MCC: variants seen among roughly 807,000 people sequenced by gnomAD.
MCC encodes colorectal mutant cancer protein.
Under a neutral mutation model 116.2 loss-of-function variants are expected in MCC, and 90 were observed. The ratio of observed to expected loss-of-function variants is 0.77; its 90% CI spans 0.65 to 0.92. MCC has a LOEUF of 0.92. Among genes scored for constraint, MCC ranks in the 40% least tolerant of loss-of-function variants. MCC has a pLI of 0.00. For synonymous variants in MCC, 578 were observed against 510.5 expected (o/e 1.13, Z -1.78); for missense variants, 1,516 against 1,312.2 (o/e 1.16, Z -2.40).
In MCC at chr5:113,104,290, C is replaced by T. The variant is rs372290728; in HGVS notation, c.1093G>A (p.Gly365Ser). 1.6e-5 allele frequency: 26 copies of T among 1,613,884 alleles called. No homozygotes were observed. The highest frequency in any genetic ancestry group is 1.0e-4 in the Admixed American group (6 of 60,000). Residue 365 changes from glycine (G) to serine (S), a missense_variant, in exon 7 of 19, where the codon GGC becomes AGC. Transcript: ENST00000408903. ...AGGCTGCAGCTGCTCTTCTTCCTGC[C>T]GCAGACAACATTCTCCAGCCCTGTC... ...VLTGLENVVCGRKKSSCSLSV... is the reference protein window; with the variant it reads ...VLTGLENVVCSRKKSSCSLSV...
At chr5:113,143,145 T>G in intron 5 of MCC, 73 bp downstream of exon 5, 1 of 1,475,546 alleles carries the variant, frequency 6.8e-7, no homozygotes, top group East Asian at 2.4e-5. Context: ...GTTAAAATAG[T>G]TGGGGCTACT....
At chr5:113,413,028 G>C (rs141066383) in intron 1 of MCC, among the ~76,000 whole-genome samples, 1 of 151,988 alleles carries the variant, frequency 6.6e-6, no homozygotes, top group Non-Finnish European at 1.5e-5. Context: ...ATTGAGATAA[G>C]CATGTGGTTT....
Position 113,043,553 on chromosome 5 carries a change from C to G in MCC, c.2733G>C (p.Ala911=). ...RTTCSENELA[A]EFTNAIRREK... ...ACCGACGAATGGCGTTGGTGAACTCCGCAGCCAGCTCATTCTCGCTGCACG... is the reference window on the plus strand; with the variant it reads ...ACCGACGAATGGCGTTGGTGAACTCGGCAGCCAGCTCATTCTCGCTGCACG... The change falls in exon 17 of 19, where the codon GCG becomes GCC. Residue 911 remains alanine (A), a synonymous_variant. Transcript: ENST00000408903. The G allele has an allele frequency of 6.2e-7, 1 of 1,614,082 alleles. No individual in the cohort carries two copies.
intron 3 of MCC, among the ~76,000 whole-genome samples, chr5:113,254,831 T>C (rs1764946778): frequency 6.6e-6 from 1 of 152,200 alleles, no homozygotes; most frequent in South Asian, 2.1e-4. Context: ...GTTAGTTCCC[T>C]GAGTAAACCT....
At chr5:113,292,156 C>T (rs141451298) in intron 3 of MCC, among the ~76,000 whole-genome samples, 1,718 of 152,164 alleles carry the variant, frequency 0.011, 38 homozygotes, top group African/African-American at 0.039. Flanking sequence ...CGCTTGAACC[C>T]GGGAGGCAGA....
intron 1 of MCC, among the ~76,000 whole-genome samples, chr5:113,410,313 A>G (rs902013203): frequency 8.5e-5 from 13 of 152,234 alleles, no homozygotes; most frequent in African/African-American, 3.1e-4. Context: ...GATACAATGG[A>G]TATCCACAAG....
intron 5 of MCC, among the ~76,000 whole-genome samples, chr5:113,129,747 C>T (rs1041952868): frequency 1.3e-5 from 2 of 152,244 alleles, no homozygotes; most frequent in Non-Finnish European, 2.9e-5. Flanking sequence ...CTCATCATCA[C>T]TGGTCATTAA....
chr5:113,387,041 G>A (rs1162655771), intron 1 of MCC, among the ~76,000 whole-genome samples: 12 of 151,902 alleles, frequency 7.9e-5, no homozygotes, highest in African/African-American at 4.8e-5. Context: ...TTGGCCCCTC[G>A]GATATTACTG....
Position 113,385,179 on chromosome 5 carries a change from A to G in MCC, c.204T>C (p.Asn68=), listed in dbSNP as rs1769224743. 6.2e-7 allele frequency: 1 copy of G among 1,614,032 alleles called. No individual in the cohort carries two copies. Among genetic ancestry groups the G allele is most frequent in the African/African-American group, 1.3e-5 (1 of 74,908 alleles). ...NDLLMVCRQL[N]MEESVAEIMN... Reference sequence around the variant, plus strand: ...TGATCTCAGCCACAGACTCTTCCATATTCAGCTGGCGACAGACCATTAGCA... The same window carrying G: ...TGATCTCAGCCACAGACTCTTCCATGTTCAGCTGGCGACAGACCATTAGCA... The change falls in exon 2 of 19, where the codon AAT becomes AAC. Residue 68 remains asparagine, a synonymous_variant. Transcript: ENST00000408903.
chr5:113,056,986 T>C (rs1374873758), intron 14 of MCC, among the ~76,000 whole-genome samples: 2 of 152,058 alleles, frequency 1.3e-5, no homozygotes, highest in Non-Finnish European at 2.9e-5. Flanking sequence ...TTATTTGTGA[T>C]TGAGCTGCAG....
At chr5:113,135,769 C>T (rs1758781657) in intron 5 of MCC, among the ~76,000 whole-genome samples, 2 of 151,978 alleles carry the variant, frequency 1.3e-5, no homozygotes, top group African/African-American at 4.8e-5. Flanking sequence ...AGAGGCTGGA[C>T]GTGGTGGCTC....
intron 3 of MCC, among the ~76,000 whole-genome samples, chr5:113,273,511 G>C (rs1453318908): frequency 6.6e-6 from 1 of 152,078 alleles, no homozygotes; most frequent in South Asian, 2.1e-4. Context: ...AATCTAATAG[G>C]ACATAAAGTA....
intron 3 of MCC, among the ~76,000 whole-genome samples, chr5:113,242,114 TG>T (rs1395776577): frequency 6.6e-6 from 1 of 152,248 alleles, no homozygotes; most frequent in Non-Finnish European, 1.5e-5. Flanking sequence ...AGGCCATCTT[TG>T]GCAGTAGACC....
At position 113,399,299 on chromosome 5, in the gene MCC, C is replaced by A. The variant is rs553303134; in HGVS notation, c.171-14087G>T. 2.9e-3 allele frequency among the ~76,000 whole-genome samples: 445 copies of A among 152,202 alleles called. 1 individual carries two copies. The highest frequency in any genetic ancestry group is 0.01 in the African/African-American group (423 of 41,538). ...AGGAGATTGAGACCATCCTGGCTAA[C>A]AAGGTGAAACCCTGTCTCTACTAAA... is the stretch of plus-strand genomic sequence containing the variant. On this transcript the variant is annotated intron_variant, in intron 1 of 18. Coordinates refer to ENST00000408903, the MANE Select transcript of MCC (RefSeq NM_001085377.2).
At chr5:113,065,154 T>C (rs1357938198) in intron 13 of MCC, among the ~76,000 whole-genome samples, 1 of 152,138 alleles carries the variant, frequency 6.6e-6, no homozygotes, top group Non-Finnish European at 1.5e-5. Context: ...ACCCATAGAA[T>C]GTACAGCACC....
At chr5:113,046,812 G>A (rs888922994) in intron 16 of MCC, among the ~76,000 whole-genome samples, 4 of 150,840 alleles carry the variant, frequency 2.7e-5, no homozygotes, top group African/African-American at 9.8e-5. Context: ...ATGCCCACCT[G>A]CACAGCCTGA....
chr5:113,026,670 G>T lies in MCC; in HGVS notation c.*632C>A. 1 of 152,346 alleles carries T rather than the reference G, an allele frequency of 6.6e-6. No individual in the cohort carries two copies. Among genetic ancestry groups the T allele is most frequent in the Non-Finnish European group, 1.5e-5 (1 of 68,068 alleles). 9.4% of individuals were successfully genotyped at this position (152,346 alleles called of 1,614,324 possible). ...TCAGGCACAGTCCTGGTGGTGGTCTGTTTGTAACTTTAGTGTATCTGGGAC... is the reference window on the plus strand; with the variant it reads ...TCAGGCACAGTCCTGGTGGTGGTCTTTTTGTAACTTTAGTGTATCTGGGAC... On this transcript the variant is annotated 3_prime_UTR_variant, in exon 19 of 19. Transcript: ENST00000408903.
chr5:113,151,112 G>A (rs1004817145), intron 4 of MCC, among the ~76,000 whole-genome samples, 197 bp downstream of exon 4: 1 of 152,172 alleles, frequency 6.6e-6, no homozygotes, highest in Admixed American at 6.5e-5. Flanking sequence ...GTAGCTTCTG[G>A]AACTGTGAGA....
At chr5:113,469,673 G>C in intron 1 of MCC, among the ~76,000 whole-genome samples, 1 of 152,184 alleles carries the variant, frequency 6.6e-6, no homozygotes, top group East Asian at 1.9e-4. Context: ...ATTTGGGGTG[G>C]AGAGTTCTGT....
Sources: gnomAD v4.1 joint callset for allele counts (sites outside exome capture counted in the v4.1 genomes callset) on GRCh38, gnomAD v4.1.1 for gene constraint, MANE v1.5 for transcripts, NCBI Gene and HGNC (gene_info 2026-07-23, HGNC 2026-07-21) for gene names.